The following TECPR2 variants were observed in gnomAD, a reference collection of about 807,000 sequenced individuals.
TECPR2 encodes the protein tectonin beta-propeller repeat-containing protein 2.
In TECPR2, 65 loss-of-function variants were observed where a neutral mutation model predicts 138.1. That is an observed-to-expected ratio of 0.47 (90% CI 0.39 to 0.58). The LOEUF (loss-of-function observed/expected upper bound fraction) is 0.58. Among genes scored for constraint, TECPR2 ranks in the 20% least tolerant of loss-of-function variants. TECPR2 has a pLI of 0.00. For synonymous variants in TECPR2, 746 were observed against 749.8 expected (o/e 0.99, Z 0.08); for missense variants, 1,553 against 1,824.5 (o/e 0.85, Z 2.71).
rs1887343085 is a variant in TECPR2 at position 102,366,242 on chromosome 14, G to A, written c.-73+3126G>A. ...CAGGGTTATGAGATTGACAGGGCTA[G>A]TGGGGAAAGGAAGCATCGTAACTTG... is the stretch of plus-strand genomic sequence containing the variant. On this transcript the variant is annotated intron_variant, in intron 1 of 19. Transcript: ENST00000359520. 1.3e-5 allele frequency among the ~76,000 whole-genome samples: 2 copies of A among 152,188 alleles called. 1 individual carries two copies. Among genetic ancestry groups the A allele is most frequent in the South Asian group, 4.1e-4 (2 of 4,832 alleles).
chr14:102,370,496 T>C (rs114867630), intron 1 of TECPR2, among the ~76,000 whole-genome samples: 346 of 152,060 alleles, frequency 2.3e-3, no homozygotes, highest in African/African-American at 7.2e-3. Context: ...CTGCCAGAGA[T>C]AGGGAGTAGA....
intron 19 of TECPR2, 63 bp from the exon 20 acceptor site, chr14:102,498,040 C>T: frequency 6.3e-6 from 10 of 1,575,826 alleles, no homozygotes; most frequent in Non-Finnish European, 8.6e-6. Flanking sequence ...CTCCCAGCTC[C>T]ATCTGTGCCC....
At chr14:102,422,873 A>G (rs1369286680) in intron 5 of TECPR2, among the ~76,000 whole-genome samples, 1 of 152,218 alleles carries the variant, frequency 6.6e-6, no homozygotes, top group African/African-American at 2.4e-5. Context: ...TGCACTGCAT[A>G]ACAACATTTC....
chr14:102,487,229 G>A (rs550786110), intron 17 of TECPR2, among the ~76,000 whole-genome samples: 1 of 152,358 alleles, frequency 6.6e-6, no homozygotes, highest in South Asian at 2.1e-4. Context: ...CGTCTTTCCT[G>A]GGGCATTTGT....
chr14:102,364,331 G>T (rs1356468510), intron 1 of TECPR2, among the ~76,000 whole-genome samples: 1 of 152,092 alleles, frequency 6.6e-6, no homozygotes, highest in Non-Finnish European at 1.5e-5. Context: ...CCTTATTTTT[G>T]TTGTTGTTGT....
At position 102,420,025 on chromosome 14, in the gene TECPR2, C is replaced by T. The variant is rs1889136304; in HGVS notation, c.639-4954C>T. Among the ~76,000 whole-genome samples the T allele has an allele frequency of 6.6e-6, 1 of 152,150 alleles. No homozygotes were observed. Among genetic ancestry groups the T allele is most frequent in the Admixed American group, 6.5e-5 (1 of 15,272 alleles). On this transcript the variant is annotated intron_variant, in intron 5 of 19. Coordinates refer to ENST00000359520, the MANE Select transcript of TECPR2 (RefSeq NM_014844.5). This position sits in a 1 kb window ranked among gnomAD's most constrained non-coding sequence, Gnocchi z 4.1. ...ATCTCTGGCAGGGCTTCTGTGGATC[C>T]TTCTTCTCACTCAGCTTAGACTTTC...
intron 2 of TECPR2, among the ~76,000 whole-genome samples, chr14:102,397,954 T>C (rs1486588955): frequency 6.6e-6 from 1 of 150,468 alleles, no homozygotes; most frequent in Non-Finnish European, 1.5e-5. Flanking sequence ...AAGCATGTAG[T>C]CTCAGCTACT....
chr14:102,398,241 G>T (rs77698242), intron 2 of TECPR2, among the ~76,000 whole-genome samples: 1,581 of 152,184 alleles, frequency 0.01, 30 homozygotes, highest in African/African-American at 0.036. Context: ...GGGATTCAAA[G>T]GCAGATTTGA....
intron 2 of TECPR2, among the ~76,000 whole-genome samples, 175 bp downstream of exon 2, chr14:102,377,115 T>C (rs1159090708): frequency 6.6e-6 from 1 of 152,202 alleles, no homozygotes; most frequent in African/African-American, 2.4e-5. Context: ...ACTAAAAACA[T>C]TGGTGTTTTT....
chr14:102,390,285 A>G (rs1368703527), intron 2 of TECPR2, among the ~76,000 whole-genome samples: 2 of 151,834 alleles, frequency 1.3e-5, no homozygotes, highest in East Asian at 3.9e-4. Flanking sequence ...CATTCCTGAC[A>G]CCTTTCAAAT....
intron 2 of TECPR2, among the ~76,000 whole-genome samples, chr14:102,381,363 G>A (rs1047672110): frequency 6.6e-6 from 1 of 152,162 alleles, no homozygotes; most frequent in African/African-American, 2.4e-5. Flanking sequence ...ACTTGAGGTC[G>A]GGAATTCGAG....
At chr14:102,484,560 C>A (rs1489869673) in intron 17 of TECPR2, among the ~76,000 whole-genome samples, 2 of 152,158 alleles carry the variant, frequency 1.3e-5, no homozygotes, top group African/African-American at 4.8e-5. Context: ...TGCTTTTAGC[C>A]TTCCAGGGCC....
chr14:102,390,363 A>G (rs879359777), intron 2 of TECPR2, among the ~76,000 whole-genome samples: 4 of 152,132 alleles, frequency 2.6e-5, no homozygotes, highest in African/African-American at 7.2e-5. Context: ...TTATGTTGCT[A>G]CAATGAGGGT....
At chr14:102,396,486 T>C (rs1027081372) in intron 2 of TECPR2, among the ~76,000 whole-genome samples, 4 of 152,238 alleles carry the variant, frequency 2.6e-5, no homozygotes, top group Middle Eastern at 3.2e-3. Context: ...TTTTTTGTTT[T>C]TGTTTTTTTG....
chr14:102,428,234 T>G lies in TECPR2; in HGVS notation c.952-16T>G, dbSNP rs780794584. On this transcript the variant is annotated splice_polypyrimidine_tract_variant and intron_variant, in intron 6 of 19. Coordinates refer to ENST00000359520, the MANE Select transcript of TECPR2 (RefSeq NM_014844.5). Reference sequence around the variant, plus strand: ...TTTTGTGTTTTTTGTTTTTTTTTTTTTTTTTTTTTTGACAGGCCACAGTTG... The same window carrying G: ...TTTTGTGTTTTTTGTTTTTTTTTTTGTTTTTTTTTTGACAGGCCACAGTTG... The G allele has an allele frequency of 2.0e-5, 27 of 1,372,520 alleles. No individual in the cohort carries two copies. Among genetic ancestry groups the G allele is most frequent in the East Asian group, 5.5e-5 (2 of 36,104 alleles). 85.0% of individuals were successfully genotyped at this position (1,372,520 alleles called of 1,614,324 possible).
chr14:102,467,545 G>A (rs1890572377), intron 17 of TECPR2, among the ~76,000 whole-genome samples: 1 of 151,788 alleles, frequency 6.6e-6, no homozygotes, highest in Non-Finnish European at 1.5e-5. Context: ...GGCTGGTCTC[G>A]AACTCCTGAC....
At chr14:102,369,887 G>A (rs1331309795) in intron 1 of TECPR2, among the ~76,000 whole-genome samples, 4 of 151,958 alleles carry the variant, frequency 2.6e-5, no homozygotes, top group South Asian at 2.1e-4. Flanking sequence ...CCCGGGAGGC[G>A]GAGCTTGCAG....
chr14:102,407,221 G>T, intron 2 of TECPR2, 117 bp from the exon 3 acceptor site: 3 of 1,319,966 alleles, frequency 2.3e-6, no homozygotes, highest in Non-Finnish European at 3.0e-6. Context: ...TTTCAATCAA[G>T]AATATGTATG....
chr14:102,458,140 C>T (rs1890319187), intron 16 of TECPR2, among the ~76,000 whole-genome samples: 1 of 151,988 alleles, frequency 6.6e-6, no homozygotes, highest in Non-Finnish European at 1.5e-5. Context: ...TCCCAAAGTG[C>T]TGGGATTATA....
Sources: allele counts gnomAD v4.1 joint callset (sites outside exome capture counted in the v4.1 genomes callset), GRCh38; gene constraint gnomAD v4.1.1; non-coding constraint Gnocchi (gnomAD v3.1); transcripts MANE v1.5; gene names NCBI Gene and HGNC (gene_info 2026-07-23, HGNC 2026-07-21).